SYDE2: variants seen among roughly 807,000 people sequenced by gnomAD.
The protein encoded by SYDE2 is rho GTPase-activating protein SYDE2.
In SYDE2, 76 loss-of-function variants were observed where a neutral mutation model predicts 91.5. The observed-to-expected ratio is 0.83, with a 90% CI of 0.69 to 1.01. SYDE2 has a LOEUF of 1.01. Among genes scored for constraint, SYDE2 ranks in the 50% least tolerant of loss-of-function variants. The pLI is 0.00. For missense variants in SYDE2, 1,364 were observed against 1,367.7 expected (o/e 1.00, Z 0.04); for synonymous variants, 513 against 506.4 (o/e 1.01, Z -0.18).
At position 85,158,570 on chromosome 1, in the gene SYDE2, A is replaced by C; in HGVS notation, c.*180T>G. Reference sequence around the variant, plus strand: ...TTATTGATCCCCAGAAAAGTTTTCTAGTGAGATAAGTAAAAATTGTATTAA... The same window carrying C: ...TTATTGATCCCCAGAAAAGTTTTCTCGTGAGATAAGTAAAAATTGTATTAA... On this transcript the variant is annotated 3_prime_UTR_variant, in exon 7 of 7. Transcript: ENST00000341460. The C allele has an allele frequency of 2.0e-6, 1 of 489,028 alleles. No homozygotes were observed. Among genetic ancestry groups the C allele is most frequent in the Non-Finnish European group, 3.5e-6 (1 of 282,072 alleles). The allele number at this position is 489,028 out of a possible 1,614,324, so 30.3% of individuals were successfully genotyped here.
intron 1 of SYDE2, among the ~76,000 whole-genome samples, chr1:85,198,429 AATT>A (rs1658683205): frequency 6.6e-6 from 1 of 152,194 alleles, no homozygotes; most frequent in African/African-American, 2.4e-5. Flanking sequence ...ACACTGCACA[AATT>A]ATTTTCATCT....
intron 4 of SYDE2, among the ~76,000 whole-genome samples, chr1:85,173,911 A>G (rs142108760): frequency 5.3e-4 from 80 of 152,324 alleles, no homozygotes; most frequent in African/African-American, 1.8e-3. Context: ...AAAAACCCAT[A>G]TCGAACTTCT....
rs372393837 is a variant in SYDE2 at position 85,161,316 on chromosome 1, A to G, written c.3086-2067T>C. Among the ~76,000 whole-genome samples the G allele has an allele frequency of 2.4e-3, 368 of 152,336 alleles. 2 individuals carry two copies. The highest frequency in any genetic ancestry group is 8.5e-3 in the African/African-American group (352 of 41,576). ...CTAGGACCTGGGAATATAAAGTTAA[A>G]AAGAATCCCCAATGTCACCAAACTT... On this transcript the variant is annotated intron_variant, in intron 6 of 6. Transcript: ENST00000341460.
chr1:85,173,351 T>C (rs1657569878), intron 4 of SYDE2, among the ~76,000 whole-genome samples: 1 of 152,074 alleles, frequency 6.6e-6, no homozygotes. Context: ...CAAGGAAGGA[T>C]TCCCCTGCAG....
chr1:85,166,653 T>C (rs1273089638), intron 5 of SYDE2, among the ~76,000 whole-genome samples: 1 of 152,146 alleles, frequency 6.6e-6, no homozygotes, highest in Non-Finnish European at 1.5e-5. Context: ...TAGAGAAGAA[T>C]ATGGCATTTT....
Position 85,169,175 on chromosome 1 carries a change from G to A in SYDE2, c.2722C>T (p.Gln908Ter). Residue 908 changes from glutamine (Q) to a stop codon, truncating the protein, a stop_gained, in exon 5 of 7, where the codon CAG becomes TAG. Coordinates refer to ENST00000341460, the MANE Select transcript of SYDE2 (RefSeq NM_032184.2). LOFTEE classifies it high-confidence loss of function. ...RELPSPLITK[Q>*]LYEAVLDAMA... ...GCATCTAATACAGCCTCATAAAGCT[G>A]CTTTGTTATCAGAGGAGAAGGGAGT... 3 of 1,613,776 alleles carry A rather than the reference G, an allele frequency of 1.9e-6. No homozygotes were observed. The highest frequency in any genetic ancestry group is 2.5e-6 in the Non-Finnish European group (3 of 1,179,794).
rs980370723 is a variant in SYDE2 at position 85,200,726 on chromosome 1, G to C, written c.271C>G (p.Arg91Gly). 6.5e-7 allele frequency: 1 copy of C among 1,534,950 alleles called. No individual in the cohort carries two copies. The highest frequency in any genetic ancestry group is 8.7e-7 in the Non-Finnish European group (1 of 1,146,076). Residue 91 changes from arginine to glycine, a missense_variant, in exon 1 of 7, where the codon CGG (arginine) becomes GGG (glycine). By Grantham distance (125) the Arg-to-Gly change is moderately radical. Coordinates refer to ENST00000341460, the MANE Select transcript of SYDE2 (RefSeq NM_032184.2). ...AAGGGAGGCGGCTTGGCACCCACCC[G>C]GAGGCTCTCGAGGCTTCTGCTGCAG... ...PSCSRSLESL[R>G]VGAKPPPFQR...
chr1:85,196,054 C>T (rs1658573374), intron 1 of SYDE2, among the ~76,000 whole-genome samples: 1 of 152,150 alleles, frequency 6.6e-6, no homozygotes, highest in African/African-American at 2.4e-5. Context: ...TCCAAAATCT[C>T]ACTAATACTT....
chr1:85,197,828 G>A (rs6664025), intron 1 of SYDE2, among the ~76,000 whole-genome samples: 1,929 of 152,012 alleles, frequency 0.013, 41 homozygotes, highest in African/African-American at 0.044. Flanking sequence ...CTAATTTTTT[G>A]TATTCTTAGT....
In SYDE2 at chr1:85,190,484, A is replaced by C; in HGVS notation, c.1014T>G (p.Cys338Trp). 6.2e-7 allele frequency: 1 copy of C among 1,614,046 alleles called. No homozygotes were observed. Among genetic ancestry groups the C allele is most frequent in the Non-Finnish European group, 8.5e-7 (1 of 1,179,882 alleles). ...TTGTAGCGTTACATACCACATATGTACAGTACTCTTTAGATGATTTGAGGA... is the reference window on the plus strand; with the variant it reads ...TTGTAGCGTTACATACCACATATGTCCAGTACTCTTTAGATGATTTGAGGA... ...QSFLKSSKEY[C>W]TYVVCNATNS... The change falls in exon 2 of 7, where the codon TGT (cysteine) becomes TGG (tryptophan). Residue 338 changes from cysteine to tryptophan, a missense_variant. By Grantham distance (215) the Cys-to-Trp change is radical. Transcript: ENST00000341460.
downstream of SYDE2, chr1:85,153,851 A>G (rs1328862671): frequency 6.6e-6 from 1 of 152,260 alleles, no homozygotes; most frequent in African/African-American, 2.4e-5. Flanking sequence ...ACAAATCTTA[A>G]GTATGCAACC....
intron 1 of SYDE2, among the ~76,000 whole-genome samples, chr1:85,196,051 T>C (rs1384057097): frequency 6.6e-6 from 1 of 152,158 alleles, no homozygotes; most frequent in Admixed American, 6.5e-5. Context: ...ATTTCCAAAA[T>C]CTCACTAATA....
chr1:85,155,546 A>G (rs933788325), downstream of SYDE2, among the ~76,000 whole-genome samples: 4 of 152,232 alleles, frequency 2.6e-5, no homozygotes, highest in African/African-American at 9.6e-5. Flanking sequence ...AGTATGCAAA[A>G]GCCATGACCC....
intron 1 of SYDE2, among the ~76,000 whole-genome samples, chr1:85,197,172 T>C (rs1383099944): frequency 6.6e-6 from 1 of 152,188 alleles, no homozygotes; most frequent in East Asian, 1.9e-4. Context: ...GTAATGACTT[T>C]AGATTTCTGA....
rs773737459 is a variant in SYDE2, at chr1:85,190,270, T to G, written c.1228A>C (p.Ser410Arg). 6.2e-7 allele frequency: 1 copy of G among 1,613,868 alleles called. No individual in the cohort carries two copies. Among genetic ancestry groups the G allele is most frequent in the East Asian group, 2.2e-5 (1 of 44,898 alleles). Residue 410 changes from serine to arginine, a missense_variant, in exon 2 of 7, where the codon AGT becomes CGT. Coordinates refer to ENST00000341460, the MANE Select transcript of SYDE2 (RefSeq NM_032184.2). ...PAVNLSMLSG[S>R]DLMKAERHTE... is the part of the protein sequence containing the mutation. Reference sequence around the variant, plus strand: ...TGCCGCTCTGCTTTCATCAGGTCACTGCCAGACAACATGCTCAAATTGACA... The same window carrying G: ...TGCCGCTCTGCTTTCATCAGGTCACGGCCAGACAACATGCTCAAATTGACA...
downstream of SYDE2, chr1:85,152,955 A>G (rs1233234415): frequency 6.6e-6 from 1 of 152,232 alleles, no homozygotes; most frequent in Non-Finnish European, 1.5e-5. Flanking sequence ...AATAGCATTT[A>G]TTACAAAAAA....
intron 5 of SYDE2, among the ~76,000 whole-genome samples, 199 bp from the exon 6 acceptor site, chr1:85,164,956 C>T (rs912093773): frequency 3.9e-5 from 6 of 152,130 alleles, no homozygotes; most frequent in Non-Finnish European, 5.9e-5. Flanking sequence ...ATGTTCCAGC[C>T]GGGCACAGTG....
intron 4 of SYDE2, among the ~76,000 whole-genome samples, chr1:85,170,464 TA>T: frequency 6.6e-6 from 1 of 152,298 alleles, no homozygotes; most frequent in South Asian, 2.1e-4. Context: ...TATGCAAATA[TA>T]AATATGATTT....
At chr1:85,175,297 C>T (rs183042399) in intron 4 of SYDE2, among the ~76,000 whole-genome samples, 63 of 152,150 alleles carry the variant, frequency 4.1e-4, no homozygotes, top group Non-Finnish European at 7.4e-4. Context: ...TTCAGGAATT[C>T]GAGACCACCC....
Sources: gnomAD v4.1 joint callset for allele counts (sites outside exome capture counted in the v4.1 genomes callset) on GRCh38, gnomAD v4.1.1 for gene constraint, MANE v1.5 for transcripts, NCBI Gene and HGNC (gene_info 2026-07-23, HGNC 2026-07-21) for gene names.